Variants in CHRNA1 observed in about 807,000 individuals in gnomAD.
CHRNA1 encodes cholinergic receptor nicotinic alpha 1 subunit.
In CHRNA1, 35 loss-of-function variants were observed where a neutral mutation model predicts 47.1. That is an observed-to-expected ratio of 0.74 (90% CI 0.57 to 0.99). The LOEUF is 0.99. CHRNA1 is among the 50% of genes least tolerant of loss of function. The pLI, the probability that CHRNA1 is intolerant of heterozygous loss-of-function variation, is 0.00. For synonymous variants in CHRNA1, 229 were observed against 223.6 expected, an observed-to-expected ratio of 1.02 and a Z score of -0.22; for missense variants, 506 against 591.1, an observed-to-expected ratio of 0.86 and a Z score of 1.49.
At chr2:174,762,381 G>T (rs1390648233) in intron 1 of CHRNA1, among the ~76,000 whole-genome samples, 1 of 152,098 alleles carries the variant, frequency 6.6e-6, no homozygotes, top group East Asian at 1.9e-4. Context: ...AAACAAATAT[G>T]CAAATAAAAA....
chr2:174,757,239 C>T (rs1260943241), intron 4 of CHRNA1, among the ~76,000 whole-genome samples: 1 of 152,208 alleles, frequency 6.6e-6, no homozygotes, highest in African/African-American at 2.4e-5. Context: ...TTCAATTTGG[C>T]CGCAGTAATC....
intron 2 of CHRNA1, 30 bp downstream of exon 2, chr2:174,759,458 G>T: frequency 6.2e-7 from 1 of 1,614,176 alleles, no homozygotes; most frequent in Non-Finnish European, 8.5e-7. Context: ...GTGTGGGTGT[G>T]TGGGCAGGCC....
chr2:174,760,615 G>T (rs543183360), intron 1 of CHRNA1, among the ~76,000 whole-genome samples: 1 of 152,164 alleles, frequency 6.6e-6, no homozygotes, highest in African/African-American at 2.4e-5. Flanking sequence ...TGATGAAAAC[G>T]TTCTGGAAAT....
Position 174,748,384 on chromosome 2 carries a change from A to G in CHRNA1, c.1243-129T>C, listed in dbSNP as rs566323364. ...AAAGTCCTCCCATCCCTTGGCTGGC[A>G]TCGTCTTTATTTTTTGAATAGATTA... On this transcript the variant is annotated intron_variant, in intron 8 of 8. Transcript: ENST00000348749. The G allele has an allele frequency of 1.3e-4, 182 of 1,444,276 alleles. 1 individual carries two copies. The South Asian group carries it at 2.0e-3, about 16-fold the overall frequency. The allele number at this position is 1,444,276 out of a possible 1,614,324, so 89.5% of individuals were successfully genotyped here. A position where few individuals can be genotyped will look rare whatever the true frequency, so the allele number is the denominator to read the frequency against.
intron 4 of CHRNA1, among the ~76,000 whole-genome samples, chr2:174,755,086 T>C (rs1683953928): frequency 6.6e-6 from 1 of 152,140 alleles, no homozygotes; most frequent in South Asian, 2.1e-4. Context: ...GGTTTCACCA[T>C]GTTGACCAGG....
chr2:174,751,287 G>A (rs1236761678), intron 6 of CHRNA1, among the ~76,000 whole-genome samples: 1 of 152,192 alleles, frequency 6.6e-6, no homozygotes, highest in African/African-American at 2.4e-5. Flanking sequence ...GTAGTTTTGT[G>A]AGGCTTGACC....
intron 3 of CHRNA1, 147 bp from the exon 4 acceptor site, chr2:174,757,822 C>T (rs1684012736): frequency 2.5e-5 from 24 of 967,692 alleles, no homozygotes; most frequent in Non-Finnish European, 3.3e-5. Flanking sequence ...TTAGCTTTCA[C>T]TTCAGTAAAT....
rs773556274 is a variant in CHRNA1 at position 174,754,275 on chromosome 2, A to T, written c.484T>A (p.Cys162Ser). ...GTCCAGGTGCCCAGCTTCATGCTGC[A>T]GTTCTGTTCATCAAAGGGAAAGTGG... ...VTHFPFDEQN[C>S]SMKLGTWTYD... The change falls in exon 5 of 9, where the codon TGC (cysteine) becomes AGC (serine). Residue 162 changes from cysteine (C) to serine (S), a missense_variant. Cys to Ser is a moderately radical substitution (Grantham distance 112, BLOSUM62 -1). Coordinates refer to ENST00000348749, the MANE Select transcript of CHRNA1 (RefSeq NM_000079.4). The T allele has an allele frequency of 7.4e-6, 12 of 1,614,158 alleles. No individual in the cohort carries two copies. The highest frequency in any genetic ancestry group is 1.0e-5 in the Non-Finnish European group (12 of 1,180,028).
chr2:174,748,506 T>A, intron 8 of CHRNA1, 74 bp downstream of exon 8: 2 of 1,560,124 alleles, frequency 1.3e-6, no homozygotes, highest in Non-Finnish European at 1.7e-6. Context: ...ACTTGTTAAG[T>A]CAGACTCACC....
intron 1 of CHRNA1, among the ~76,000 whole-genome samples, chr2:174,763,693 C>T (rs1684138840): frequency 6.6e-6 from 1 of 151,754 alleles, no homozygotes; most frequent in African/African-American, 2.4e-5. Flanking sequence ...AGGTCAAATG[C>T]TGTGCAAGGT....
chr2:174,758,025 C>T (rs1684017952), intron 3 of CHRNA1: 3 of 1,613,936 alleles, frequency 1.9e-6, no homozygotes, highest in Non-Finnish European at 2.5e-6. Flanking sequence ...GTCACCCTGT[C>T]CACCCACAGA....
intron 1 of CHRNA1, 132 bp downstream of exon 1, chr2:174,764,220 C>G: frequency 1.1e-6 from 1 of 910,452 alleles, no homozygotes; most frequent in Non-Finnish European, 1.8e-6. Flanking sequence ...AAGAAACTGA[C>G]AGAGCAGCCC....
At chr2:174,759,667 TC>T (rs1684061521) in intron 1 of CHRNA1, 34 bp from the exon 2 acceptor site, 1 of 1,609,818 alleles carries the variant, frequency 6.2e-7, no homozygotes, top group Non-Finnish European at 8.5e-7. Context: ...ACTGTCAGAT[TC>T]TTCTCCCCAC....
At chr2:174,753,407 G>T in intron 6 of CHRNA1, 96 bp downstream of exon 6, 1 of 1,209,178 alleles carries the variant, frequency 8.3e-7, no homozygotes, top group Non-Finnish European at 1.2e-6. Flanking sequence ...GGGTCGATCT[G>T]CCTGTTTGTT....
chr2:174,748,462 T>C, intron 8 of CHRNA1, 118 bp downstream of exon 8: 1 of 1,455,616 alleles, frequency 6.9e-7, no homozygotes, highest in Admixed American at 2.2e-5. Context: ...CCAGGGTTCA[T>C]CTTAGGTCAG....
intron 7 of CHRNA1, 22 bp from the exon 8 acceptor site, chr2:174,748,841 T>C: frequency 6.2e-7 from 1 of 1,612,596 alleles, no homozygotes; most frequent in Non-Finnish European, 8.5e-7. Flanking sequence ...AAGAAATCCA[T>C]GCATGAGAAT....
In CHRNA1 at chr2:174,747,748, C is replaced by G. The variant is rs959119320; in HGVS notation, c.*376G>C. The stretch of plus-strand genomic sequence containing the variant: ...GAATACACTTCATTTAGAACATCAG[C>G]AACTCCCTAGTGGTCTCGTGGTTAG... On this transcript the variant is annotated 3_prime_UTR_variant, in exon 9 of 9. Transcript: ENST00000348749. 1.7e-5 allele frequency: 5 copies of G among 291,132 alleles called. No individual in the cohort carries two copies. The highest frequency in any genetic ancestry group is 1.1e-4 in the African/African-American group (5 of 45,626). 18.0% of individuals were successfully genotyped at this position (291,132 alleles called of 1,614,324 possible).
At position 174,753,842 on chromosome 2, in the gene CHRNA1, G is replaced by T. The variant is rs572079003; in HGVS notation, c.541-102C>A. The T allele has an allele frequency of 2.7e-6, 3 of 1,095,478 alleles. No individual in the cohort carries two copies. The African/African-American group carries it at 4.6e-5, about 17-fold the overall frequency. 67.9% of individuals were successfully genotyped at this position (1,095,478 alleles called of 1,614,324 possible). A position where few individuals can be genotyped will look rare whatever the true frequency, so the allele number is the denominator to read the frequency against. On this transcript the variant is annotated intron_variant, in intron 5 of 8. Coordinates refer to ENST00000348749, the MANE Select transcript of CHRNA1 (RefSeq NM_000079.4). ...CAAGGCCACAGATTCCAGCTCTGTGGGTCACACACCCAGGAGGGACTGTGG... is the reference window on the plus strand; with the variant it reads ...CAAGGCCACAGATTCCAGCTCTGTGTGTCACACACCCAGGAGGGACTGTGG...
At position 174,748,088 on chromosome 2, in the gene CHRNA1, G is replaced by T. The variant is rs759611404; in HGVS notation, c.*36C>A. ...CTCCTGCCCTTCTCTGCTCTGGTAG[G>T]TTCCAGGGCAGAGCTAAGCTCAGCT... On this transcript the variant is annotated 3_prime_UTR_variant, in exon 9 of 9. Transcript: ENST00000348749. The T allele has an allele frequency of 6.2e-6, 10 of 1,612,858 alleles. No individual in the cohort carries two copies. Among genetic ancestry groups the T allele is most frequent in the East Asian group, 2.2e-5 (1 of 44,876 alleles).
Sources: allele counts gnomAD v4.1 joint callset (sites outside exome capture counted in the v4.1 genomes callset), GRCh38; gene constraint gnomAD v4.1.1; transcripts MANE v1.5; gene names NCBI Gene and HGNC (gene_info 2026-07-23, HGNC 2026-07-21).